The following FMN1 variants were observed in gnomAD, a reference collection of about 807,000 sequenced individuals.
FMN1 encodes the protein formin 1, also known as formin-1.
In FMN1, 110 loss-of-function variants were observed where a neutral mutation model predicts 132.4. The ratio of observed to expected loss-of-function variants is 0.83; its 90% CI spans 0.71 to 0.97. The LOEUF is 0.97. FMN1 is among the 50% of genes least tolerant of loss of function. The pLI is 0.00. For missense variants in FMN1, 1,792 were observed against 1,705.3 expected (o/e 1.05, Z -0.90); for synonymous variants, 722 against 651.7 (o/e 1.11, Z -1.64).
rs773083960 is a variant in FMN1 at position 32,968,844 on chromosome 15, G to A, written c.2857C>T (p.Pro953Ser). Residue 953 changes from proline to serine, a missense_variant, in exon 8 of 21, where the codon CCC becomes TCC. Around this residue, in one of 3 missense-constraint regions of FMN1, gnomAD observed 1,150 missense variants for 1,043.1 expected, o/e 1.10. Transcript: ENST00000616417. ...PPAPPPPGLA[P>S]PPPPGLFFGL... ...AAGAAGAGTCCAGGGGGAGGTGGGG[G>A]TGCAAGTCCTGGGGGTGGTGGAGCA... 6.3e-7 allele frequency: 1 copy of A among 1,596,084 alleles called. No homozygotes were observed. Among genetic ancestry groups the A allele is most frequent in the Non-Finnish European group, 8.6e-7 (1 of 1,168,238 alleles).
chr15:32,942,826 A>AATAT (rs1190420358), intron 9 of FMN1, among the ~76,000 whole-genome samples: 2 of 152,194 alleles, frequency 1.3e-5, no homozygotes, highest in Non-Finnish European at 2.9e-5. Flanking sequence ...ATCACCAATG[A>AATAT]ATAGCTGCTG....
Position 32,990,993 on chromosome 15 carries a change from C to T in FMN1, c.2223+17021G>A, listed in dbSNP as rs566076588. On this transcript the variant is annotated intron_variant, in intron 7 of 20. Transcript: ENST00000616417. ...TGGGAACTGCAATTCGAGATTTGGG[C>T]GGGGACACAGCCAAACCATAGCAGC... 6.6e-5 allele frequency among the ~76,000 whole-genome samples: 10 copies of T among 152,172 alleles called. 1 individual carries two copies. In the South Asian group the frequency reaches 1.0e-3, roughly 16 times the overall value.
At chr15:32,777,418 GTTT>G (rs539282127) in intron 19 of FMN1, among the ~76,000 whole-genome samples, 3 of 113,284 alleles carry the variant, frequency 2.6e-5, no homozygotes, top group Non-Finnish European at 4.2e-5. Flanking sequence ...CATTCTGTAG[GTTT>G]TTTTCCATTC....
chr15:33,170,697 T>G (rs931384848), intron 3 of FMN1, among the ~76,000 whole-genome samples: 2 of 152,166 alleles, frequency 1.3e-5, no homozygotes, highest in African/African-American at 4.8e-5. Context: ...TGAGATATCA[T>G]TTTAACTCAG....
In FMN1 at chr15:32,883,736, A is replaced by C. The variant is rs1302092155; in HGVS notation, c.3835+4436T>G. On this transcript the variant is annotated intron_variant, in intron 16 of 20. Coordinates refer to ENST00000616417, the MANE Select transcript of FMN1 (RefSeq NM_001277313.2). ...CTTTTACACAACTTATGCTCTGTAA[A>C]AATATTACTAAGTAGACAATGAAAG... 2.6e-5 allele frequency among the ~76,000 whole-genome samples: 4 copies of C among 152,192 alleles called. No individual in the cohort carries two copies. The East Asian group carries it at 7.7e-4, about 29-fold the overall frequency.
Position 33,149,677 on chromosome 15 carries a change from A to AT in FMN1, c.1867+3370dup, listed in dbSNP as rs1328589178. On this transcript the variant is annotated intron_variant, in intron 4 of 20. Transcript: ENST00000616417. ...ATATGGGTAGAATATGGCTGATGCA[A>AT]TTTTTGAGTCCTATTTTCCCTCCAT... 1.4e-5 allele frequency: 8 copies of AT among 574,560 alleles called. No homozygotes were observed. The African/African-American group carries it at 1.6e-4, about 12-fold the overall frequency. 35.6% of individuals were successfully genotyped at this position (574,560 alleles called of 1,614,324 possible).
chr15:32,930,680 A>T (rs2061091003), intron 9 of FMN1, among the ~76,000 whole-genome samples: 1 of 151,556 alleles, frequency 6.6e-6, no homozygotes, highest in Non-Finnish European at 1.5e-5. Context: ...TTTTTCATTT[A>T]ACATAGTCCC....
chr15:33,172,204 T>C (rs1173223144), intron 3 of FMN1, among the ~76,000 whole-genome samples: 7 of 147,632 alleles, frequency 4.7e-5, no homozygotes, highest in African/African-American at 7.7e-5. Context: ...CGAGACTCCG[T>C]CTCAAAAAAA....
intron 4 of FMN1, chr15:33,151,389 A>G: frequency 6.5e-7 from 1 of 1,536,564 alleles, no homozygotes; most frequent in Non-Finnish European, 8.7e-7. Flanking sequence ...GCTGAGGCCA[A>G]AGTAAAGGGA....
chr15:33,012,984 T>G, intron 6 of FMN1: 1 of 451,288 alleles, frequency 2.2e-6, no homozygotes, highest in Non-Finnish European at 4.3e-6. Flanking sequence ...GTTCCTATGA[T>G]GGTGGAAGCC....
In FMN1 at chr15:32,964,121, T is replaced by G. The variant is rs777815113; in HGVS notation, c.3124A>C (p.Asn1042His). The G allele has an allele frequency of 1.9e-6, 3 of 1,611,784 alleles. No individual in the cohort carries two copies. The South Asian group carries it at 3.3e-5, about 18-fold the overall frequency. ...TCACTCAGTACCTTTTTGACCTTGT[T>G]TTTCTTCTCATAAGTCTCTGACAGA... is the stretch of plus-strand genomic sequence containing the variant. ...KPLSETYEKK[N>H]KVKKIIKLLD... is the part of the protein sequence containing the mutation. Residue 1042 changes from asparagine to histidine, a missense_variant, in exon 9 of 21, where the codon AAC (asparagine) becomes CAC (histidine). Transcript: ENST00000616417.
chr15:32,823,453 T>G (rs561850520), intron 17 of FMN1, among the ~76,000 whole-genome samples: 1 of 152,080 alleles, frequency 6.6e-6, no homozygotes, highest in African/African-American at 2.4e-5. Flanking sequence ...TGTGAGCCAC[T>G]GCGCCCGGCC....
chr15:32,943,300 G>A (rs1221744765), intron 9 of FMN1, among the ~76,000 whole-genome samples: 1 of 152,158 alleles, frequency 6.6e-6, no homozygotes, highest in Non-Finnish European at 1.5e-5. Flanking sequence ...ACATAAATTA[G>A]ACAATCTGAT....
intron 2 of FMN1, among the ~76,000 whole-genome samples, chr15:33,181,548 G>T (rs1423441071): frequency 6.6e-6 from 1 of 152,162 alleles, no homozygotes; most frequent in Non-Finnish European, 1.5e-5. Flanking sequence ...GATGGTATCA[G>T]ATGAGATTAG....
At chr15:33,078,090 T>A (rs201132499) in intron 5 of FMN1, among the ~76,000 whole-genome samples, 1 of 152,172 alleles carries the variant, frequency 6.6e-6, no homozygotes, top group East Asian at 1.9e-4. Flanking sequence ...AAGGGACATA[T>A]TGGGGTTTAG....
At chr15:32,910,577 T>C in intron 10 of FMN1, 42 bp from the exon 11 acceptor site, 1 of 1,424,834 alleles carries the variant, frequency 7.0e-7, no homozygotes, top group Non-Finnish European at 9.7e-7. Context: ...GGGATTTGAT[T>C]AGGTCCCCTG....
intron 6 of FMN1, among the ~76,000 whole-genome samples, chr15:33,028,287 A>G (rs1210887493): frequency 6.6e-6 from 1 of 152,172 alleles, no homozygotes; most frequent in Non-Finnish European, 1.5e-5. Context: ...GAAGGCCAGA[A>G]AGTGACACGT....
chr15:32,993,398 T>C (rs1378389016), intron 7 of FMN1, among the ~76,000 whole-genome samples: 2 of 152,190 alleles, frequency 1.3e-5, no homozygotes, highest in Non-Finnish European at 2.9e-5. Context: ...TCATGCCATA[T>C]ATAGTTTTAA....
intron 6 of FMN1, among the ~76,000 whole-genome samples, chr15:33,030,710 TA>T (rs1324866789): frequency 1.3e-5 from 2 of 152,234 alleles, no homozygotes. Flanking sequence ...TGCTGTTAGT[TA>T]TAATTGTAAA....
Sources: gnomAD v4.1 joint callset for allele counts (sites outside exome capture counted in the v4.1 genomes callset) on GRCh38, gnomAD v4.1.1 for gene constraint, gnomAD v4.1.1 regional missense constraint, MANE v1.5 for transcripts, NCBI Gene and HGNC (gene_info 2026-07-23, HGNC 2026-07-21) for gene names.